The following CCSER1 variants were observed in gnomAD, a reference collection of about 807,000 sequenced individuals.
CCSER1 encodes the protein coiled-coil serine rich protein 1.
In CCSER1, 41 loss-of-function variants were observed where a neutral mutation model predicts 82.0. The ratio of observed to expected loss-of-function variants is 0.50; its 90% CI spans 0.39 to 0.65. The LOEUF is 0.65. Ranked by LOEUF, CCSER1 falls within the 30% of genes least tolerant of loss-of-function variation. The pLI, the probability that CCSER1 is intolerant of heterozygous loss-of-function variation, is 0.00. For missense variants in CCSER1, 1,119 were observed against 1,064.2 expected, an observed-to-expected ratio of 1.05 and a Z score of -0.72; for synonymous variants, 414 against 383.9, an observed-to-expected ratio of 1.08 and a Z score of -0.92.
chr4:90,288,164 A>G (rs540292432), intron 1 of CCSER1, among the ~76,000 whole-genome samples: 2 of 150,866 alleles, frequency 1.3e-5, no homozygotes, highest in South Asian at 4.2e-4. Flanking sequence ...AGTTTTGGCA[A>G]TCAATCCTGT....
chr4:91,046,330 G>A (rs11097293), intron 9 of CCSER1, among the ~76,000 whole-genome samples: 56,163 of 151,796 alleles, frequency 0.37, 11,644 homozygotes, highest in East Asian at 0.64. Flanking sequence ...TTCTATGTAT[G>A]TATAGTTTTT....
At chr4:91,193,822 AT>A (rs11422541) in intron 10 of CCSER1, among the ~76,000 whole-genome samples, 24 of 149,720 alleles carry the variant, frequency 1.6e-4, no homozygotes, top group South Asian at 1.1e-3. Context: ...TGTTTTATTG[AT>A]TTTTTTTTTC....
At chr4:90,862,431 C>G (rs1185250229) in intron 8 of CCSER1, among the ~76,000 whole-genome samples, 2 of 151,852 alleles carry the variant, frequency 1.3e-5, no homozygotes, top group East Asian at 1.9e-4. Flanking sequence ...TTCAACATTT[C>G]TTTTTAGTAA....
intron 5 of CCSER1, among the ~76,000 whole-genome samples, chr4:90,607,019 C>G (rs1784815290): frequency 6.6e-6 from 1 of 152,094 alleles, no homozygotes; most frequent in African/African-American, 2.4e-5. Flanking sequence ...TCCAGTAAAT[C>G]ATAATAATCA....
chr4:90,645,386 G>A lies in CCSER1; in HGVS notation c.1932+17154G>A, dbSNP rs938290347. ...ATTCTGTGTTATAGTAATGATATTC[G>A]TAGCTTCTATTTGAAGCCAAACAAT... On this transcript the variant is annotated intron_variant, in intron 6 of 10. Transcript: ENST00000509176. Among the ~76,000 whole-genome samples the A allele has an allele frequency of 3.9e-5, 6 of 152,056 alleles. No individual in the cohort carries two copies. In the South Asian group the frequency reaches 6.2e-4, roughly 16 times the overall value.
intron 10 of CCSER1, among the ~76,000 whole-genome samples, chr4:91,141,991 A>G (rs974737477): frequency 6.6e-6 from 1 of 152,122 alleles, no homozygotes; most frequent in African/African-American, 2.4e-5. Flanking sequence ...TTCCTTATAG[A>G]TTCTGGATAT....
intron 3 of CCSER1, among the ~76,000 whole-genome samples, chr4:90,383,913 A>G (rs972644937): frequency 1.3e-5 from 2 of 151,362 alleles, no homozygotes; most frequent in Non-Finnish European, 2.9e-5. Context: ...ACTATTTTAA[A>G]TTTTTTATTT....
At chr4:90,741,423 T>C (rs1187202480) in intron 7 of CCSER1, among the ~76,000 whole-genome samples, 1 of 152,184 alleles carries the variant, frequency 6.6e-6, no homozygotes, top group Non-Finnish European at 1.5e-5. Flanking sequence ...TTGAAAAACC[T>C]TGGTGTGAGA....
At chr4:91,466,041 C>A (rs1395116423) in intron 10 of CCSER1, among the ~76,000 whole-genome samples, 5 of 151,958 alleles carry the variant, frequency 3.3e-5, no homozygotes, top group Admixed American at 6.6e-5. Context: ...CCTGGCAGAG[C>A]CACAGCAAAA....
intron 9 of CCSER1, among the ~76,000 whole-genome samples, chr4:90,973,381 T>C (rs1162795198): frequency 6.6e-6 from 1 of 151,706 alleles, no homozygotes; most frequent in East Asian, 1.9e-4. Flanking sequence ...CCAAATAAGA[T>C]GTATGAAAGG....
intron 10 of CCSER1, among the ~76,000 whole-genome samples, chr4:91,584,393 A>C (rs187862698): frequency 6.6e-6 from 1 of 151,722 alleles, no homozygotes; most frequent in Admixed American, 6.6e-5. Flanking sequence ...TCACTGAGGT[A>C]GTATAAATTG....
Position 91,598,774 on chromosome 4 carries a change from G to C in CCSER1, c.2420G>C (p.Arg807Thr). 7.1e-6 allele frequency: 11 copies of C among 1,551,592 alleles called. No homozygotes were observed. The highest frequency in any genetic ancestry group is 9.6e-6 in the Non-Finnish European group (11 of 1,146,926). Residue 807 changes from arginine to threonine, a missense_variant, in exon 11 of 11, where the codon AGA becomes ACA. Physicochemically the swap from Arg to Thr is moderately conservative, Grantham distance 71 (BLOSUM62 -1). Coordinates refer to ENST00000509176, the MANE Select transcript of CCSER1 (RefSeq NM_001145065.2). Reference protein sequence around the residue: ...KELAEVIKHSRGTYETLTSDV... With the variant: ...KELAEVIKHSTGTYETLTSDV... The stretch of plus-strand genomic sequence containing the variant: ...CTAGCAGAAGTTATCAAACATTCAA[G>C]AGGAACTTATGAAACCCTCACTTCA...
chr4:91,162,849 C>G (rs985717175), intron 10 of CCSER1, among the ~76,000 whole-genome samples: 1 of 152,108 alleles, frequency 6.6e-6, no homozygotes, highest in African/African-American at 2.4e-5. Flanking sequence ...GGCTAGTGGA[C>G]TATCAATTTT....
intron 9 of CCSER1, among the ~76,000 whole-genome samples, chr4:90,982,538 A>T (rs1736211085): frequency 6.6e-6 from 1 of 151,820 alleles, no homozygotes; most frequent in Non-Finnish European, 1.5e-5. Flanking sequence ...GAAAGATATT[A>T]TATAGAATGC....
At chr4:90,839,343 C>T (rs533871432) in intron 8 of CCSER1, among the ~76,000 whole-genome samples, 3 of 152,284 alleles carry the variant, frequency 2.0e-5, no homozygotes, top group African/African-American at 7.2e-5. Context: ...GAGCATGTTT[C>T]AGTAAACAAA....
chr4:91,059,773 A>AT (rs1236794174), intron 9 of CCSER1, among the ~76,000 whole-genome samples: 1 of 151,860 alleles, frequency 6.6e-6, no homozygotes, highest in Non-Finnish European at 1.5e-5. Flanking sequence ...TATTTGGCAC[A>AT]TTTTTTTCCA....
chr4:90,161,843 A>T (rs1175859390), intron 1 of CCSER1, among the ~76,000 whole-genome samples: 1 of 152,146 alleles, frequency 6.6e-6, no homozygotes, highest in East Asian at 1.9e-4. Flanking sequence ...TAGATGCACA[A>T]AGTAAACCAA....
At chr4:90,626,577 G>C (rs1199656607) in intron 5 of CCSER1, among the ~76,000 whole-genome samples, 1 of 152,130 alleles carries the variant, frequency 6.6e-6, no homozygotes, top group Non-Finnish European at 1.5e-5. Context: ...TAAGTATACT[G>C]TTTTGTTCAT....
At chr4:90,163,467 TGTTA>T (rs1181554163) in intron 1 of CCSER1, among the ~76,000 whole-genome samples, 2 of 152,168 alleles carry the variant, frequency 1.3e-5, no homozygotes, top group African/African-American at 4.8e-5. Context: ...TCACGAAATT[TGTTA>T]GTTTATTCTG....
Sources: allele counts gnomAD v4.1 joint callset (sites outside exome capture counted in the v4.1 genomes callset), GRCh38; gene constraint gnomAD v4.1.1; transcripts MANE v1.5; gene names NCBI Gene and HGNC (gene_info 2026-07-23, HGNC 2026-07-21).